The following GALNT17 variants were observed in gnomAD, a reference collection of about 807,000 sequenced individuals.
GALNT17 encodes the protein UDP-GalNAc:polypeptide N-acetylgalactosaminyltransferase-like 3.
GALNT17 carries 29 observed loss-of-function variants against 63.7 expected under a neutral mutation model. The ratio of observed to expected loss-of-function variants is 0.46; its 90% CI spans 0.34 to 0.62. The LOEUF is 0.62. GALNT17 is among the 20% of genes least tolerant of loss of function. The pLI is 0.01. For missense variants in GALNT17, 603 were observed against 799.6 expected, an observed-to-expected ratio of 0.75 and a Z score of 2.97; for synonymous variants, 305 against 318.3, an observed-to-expected ratio of 0.96 and a Z score of 0.45.
At chr7:71,263,755 C>T (rs1039614881) in intron 1 of GALNT17, among the ~76,000 whole-genome samples, 4 of 151,924 alleles carry the variant, frequency 2.6e-5, no homozygotes, top group African/African-American at 9.7e-5. Flanking sequence ...AACCCCGTCT[C>T]TACTAAAAAA....
intron 5 of GALNT17, among the ~76,000 whole-genome samples, chr7:71,498,176 T>C (rs1454282230): frequency 6.6e-6 from 1 of 152,058 alleles, no homozygotes; most frequent in Non-Finnish European, 1.5e-5. Flanking sequence ...ACTTTTGTGA[T>C]ATAAAAGAGA....
At chr7:71,276,642 A>G (rs1562964719) in intron 1 of GALNT17, among the ~76,000 whole-genome samples, 2 of 152,112 alleles carry the variant, frequency 1.3e-5, no homozygotes, top group Admixed American at 1.3e-4. Context: ...GCCTTCTTCC[A>G]TGATTGTGAG....
At chr7:71,197,740 C>T (rs1789081633) in intron 1 of GALNT17, among the ~76,000 whole-genome samples, 1 of 152,042 alleles carries the variant, frequency 6.6e-6, no homozygotes, top group Non-Finnish European at 1.5e-5. Context: ...AACATAATAT[C>T]CTCCAGTTTT....
intron 6 of GALNT17, among the ~76,000 whole-genome samples, chr7:71,649,950 A>G (rs1584112407): frequency 6.6e-6 from 1 of 152,224 alleles, no homozygotes; most frequent in Admixed American, 6.5e-5. Context: ...TATCTCAGGC[A>G]TGCCTGGCTG....
In GALNT17 at chr7:71,191,451, G is replaced by A. The variant is rs533037220; in HGVS notation, c.238+58411G>A. Among the ~76,000 whole-genome samples the A allele has an allele frequency of 5.9e-5, 9 of 152,032 alleles. No individual in the cohort carries two copies. The South Asian group carries it at 1.9e-3, about 32-fold the overall frequency. On this transcript the variant is annotated intron_variant, in intron 1 of 10. Coordinates refer to ENST00000333538, the MANE Select transcript of GALNT17 (RefSeq NM_022479.3). Reference sequence around the variant, plus strand: ...ACTTGCCAGGCACCAGATCTCTGTAGCAACTACTCAACTCTGCTGTTGCAG... The same window carrying A: ...ACTTGCCAGGCACCAGATCTCTGTAACAACTACTCAACTCTGCTGTTGCAG...
intron 1 of GALNT17, among the ~76,000 whole-genome samples, chr7:71,283,152 C>G (rs999808739): frequency 1.0e-4 from 3 of 28,820 alleles, no homozygotes; most frequent in South Asian, 1.9e-3. Flanking sequence ...CTGCCTCAGC[C>G]CCCCCCAAGT....
chr7:71,325,595 A>G (rs1213315932), intron 1 of GALNT17, among the ~76,000 whole-genome samples: 1 of 152,198 alleles, frequency 6.6e-6, no homozygotes, highest in Non-Finnish European at 1.5e-5. Flanking sequence ...CCTCATTTGT[A>G]TGAAGGAAGG....
chr7:71,153,806 A>G (rs1240776953), intron 1 of GALNT17, among the ~76,000 whole-genome samples: 1 of 152,058 alleles, frequency 6.6e-6, no homozygotes, highest in East Asian at 1.9e-4. Context: ...AGTCCCAGCT[A>G]CTCAGGAGGC....
chr7:71,442,745 C>T (rs1787090950), intron 5 of GALNT17, among the ~76,000 whole-genome samples: 1 of 152,128 alleles, frequency 6.6e-6, no homozygotes, highest in Non-Finnish European at 1.5e-5. Flanking sequence ...AACAAGCTTG[C>T]TTAACTGTTG....
At chr7:71,492,952 G>A (rs933682787) in intron 5 of GALNT17, among the ~76,000 whole-genome samples, 1 of 152,124 alleles carries the variant, frequency 6.6e-6, no homozygotes, top group Non-Finnish European at 1.5e-5. Flanking sequence ...TGCTATGAAT[G>A]GTCCCTCTCA....
intron 8 of GALNT17, among the ~76,000 whole-genome samples, chr7:71,674,880 G>C (rs899216577): frequency 3.3e-5 from 5 of 152,222 alleles, no homozygotes; most frequent in Admixed American, 2.6e-4. Flanking sequence ...CTGAATCCTC[G>C]GAAGGGGTAA....
intron 5 of GALNT17, among the ~76,000 whole-genome samples, chr7:71,531,741 C>T (rs1441040477): frequency 6.6e-6 from 1 of 152,140 alleles, no homozygotes; most frequent in African/African-American, 2.4e-5. Flanking sequence ...AGGCATGTAC[C>T]ACCACTTCTG....
chr7:71,660,576 A>G (rs778812220), intron 6 of GALNT17, among the ~76,000 whole-genome samples: 118 of 152,166 alleles, frequency 7.8e-4, no homozygotes, highest in Non-Finnish European at 1.9e-4. Context: ...TACTTGGGAT[A>G]CTCATAGCTG....
At chr7:71,462,323 A>G (rs1337382923) in intron 5 of GALNT17, among the ~76,000 whole-genome samples, 7 of 152,250 alleles carry the variant, frequency 4.6e-5, no homozygotes, top group Non-Finnish European at 1.0e-4. Context: ...ATTCAAGACT[A>G]TTGCAATAGA....
intron 5 of GALNT17, among the ~76,000 whole-genome samples, chr7:71,476,545 T>C (rs55810201): frequency 4.0e-5 from 6 of 151,412 alleles, no homozygotes; most frequent in Non-Finnish European, 4.4e-5. Flanking sequence ...ATAGGTTGAC[T>C]AATTGTTGAA....
chr7:71,322,798 G>A (rs898622275), intron 1 of GALNT17, among the ~76,000 whole-genome samples: 1 of 152,124 alleles, frequency 6.6e-6, no homozygotes, highest in East Asian at 1.9e-4. Flanking sequence ...TGAGGATATA[G>A]CAAGAATGAG....
At chr7:71,371,087 A>G (rs1301747452) in intron 2 of GALNT17, among the ~76,000 whole-genome samples, 2 of 152,218 alleles carry the variant, frequency 1.3e-5, no homozygotes, top group Non-Finnish European at 2.9e-5. Flanking sequence ...TTTTTGATTC[A>G]GAACTGTTGC....
At chr7:71,692,737 ATTT>A (rs35774725) in intron 9 of GALNT17, among the ~76,000 whole-genome samples, 7,830 of 147,210 alleles carry the variant, frequency 0.053, 584 homozygotes, top group African/African-American at 0.17. Flanking sequence ...TTTTTATTCT[ATTT>A]TTTTTTTTTT....
At chr7:71,198,346 A>C (rs549692511) in intron 1 of GALNT17, among the ~76,000 whole-genome samples, 37 of 152,158 alleles carry the variant, frequency 2.4e-4, no homozygotes, top group Non-Finnish European at 3.2e-4. Context: ...AAATGGGTGT[A>C]GTGAGTATTT....
Sources: allele counts gnomAD v4.1 joint callset (sites outside exome capture counted in the v4.1 genomes callset), GRCh38; gene constraint gnomAD v4.1.1; transcripts MANE v1.5; gene names NCBI Gene and HGNC (gene_info 2026-07-23, HGNC 2026-07-21).